Variants in DOCK7 observed in about 807,000 individuals in gnomAD.
The protein encoded by DOCK7 is dedicator of cytokinesis protein 7.
A neutral mutation model predicts 271.0 loss-of-function variants in DOCK7; 138 were observed. That is an observed-to-expected ratio of 0.51 (90% confidence interval 0.44 to 0.59). The LOEUF is 0.59. Ranked by LOEUF, DOCK7 falls within the 20% of genes least tolerant of loss-of-function variation. The probability of loss-of-function intolerance (pLI) is 0.00; values close to 1 mark genes in which losing one functional copy is unlikely to be tolerated. For synonymous variants in DOCK7, 823 were observed against 876.1 expected, an observed-to-expected ratio of 0.94 and a Z score of 1.07; for missense variants, 2,066 against 2,592.4, an observed-to-expected ratio of 0.80 and a Z score of 4.41.
At chr1:62,570,023 A>G (rs987917559) in intron 18 of DOCK7, among the ~76,000 whole-genome samples, 8 of 152,130 alleles carry the variant, frequency 5.3e-5, no homozygotes, top group African/African-American at 1.7e-4. Context: ...CACCACTCCT[A>G]TTCAACATAG....
chr1:62,588,549 GTTC>G (rs1647911288), intron 14 of DOCK7, among the ~76,000 whole-genome samples: 1 of 152,108 alleles, frequency 6.6e-6, no homozygotes, highest in Admixed American at 6.5e-5. Flanking sequence ...CATTTGAGAT[GTTC>G]TTCTGTGGTT....
At chr1:62,475,658 C>G (rs1309906865) in intron 46 of DOCK7, 49 bp downstream of exon 46, 21 of 1,519,390 alleles carry the variant, frequency 1.4e-5, no homozygotes, top group Non-Finnish European at 1.8e-5. Flanking sequence ...TGTTACATGG[C>G]TTGAATGTAT....
At chr1:62,497,856 T>G (rs1646666593) in intron 37 of DOCK7, among the ~76,000 whole-genome samples, 2 of 152,154 alleles carry the variant, frequency 1.3e-5, no homozygotes, top group Admixed American at 1.3e-4. Context: ...TCACACTACA[T>G]AGTAGGCACT....
At position 62,640,125 on chromosome 1, in the gene DOCK7, T is replaced by C. The variant is rs1655809127; in HGVS notation, c.819-3522A>G. Reference sequence around the variant, plus strand: ...ACTTATTTAAAATGTTGAGAATACTTACAACGATGAAAGAAAAAAACATTT... The same window carrying C: ...ACTTATTTAAAATGTTGAGAATACTCACAACGATGAAAGAAAAAAACATTT... On this transcript the variant is annotated intron_variant, in intron 7 of 49. Coordinates refer to ENST00000635253, the MANE Select transcript of DOCK7 (RefSeq NM_001367561.1). Among the ~76,000 whole-genome samples, 3 of 152,132 alleles carry C rather than the reference T, an allele frequency of 2.0e-5. No individual in the cohort carries two copies. The South Asian group carries it at 6.2e-4, about 31-fold the overall frequency.
intron 43 of DOCK7, chr1:62,478,182 T>C (rs969774194): frequency 1.7e-5 from 3 of 176,724 alleles, no homozygotes; most frequent in Admixed American, 5.7e-5. Context: ...ATATAAACTG[T>C]CTTAATTGTA....
chr1:62,535,879 A>T (rs1316445562), intron 28 of DOCK7, among the ~76,000 whole-genome samples: 2 of 152,184 alleles, frequency 1.3e-5, no homozygotes, highest in Non-Finnish European at 2.9e-5. Flanking sequence ...CTTTTTTCAC[A>T]TATACTTTCC....
chr1:62,647,117 T>C (rs1322616017), intron 7 of DOCK7, among the ~76,000 whole-genome samples: 1 of 152,208 alleles, frequency 6.6e-6, no homozygotes, highest in Admixed American at 6.5e-5. Flanking sequence ...GAAAGCTCTA[T>C]GAATTGAAAC....
rs1266567664 is a variant in DOCK7 at position 62,597,495 on chromosome 1, A to T, written c.1683-10871T>A. 2.0e-5 allele frequency: 31 copies of T among 1,530,082 alleles called. 1 individual carries two copies. Among genetic ancestry groups the T allele is most frequent in the Non-Finnish European group, 2.7e-5 (30 of 1,117,842 alleles). The allele number at this position is 1,530,082 out of a possible 1,614,324, so 94.8% of individuals were successfully genotyped here. ...TCTGGGCAAATATTGGTATATATAG[A>T]GTTAAGAAGTCTAGGTCTGCTTCCA... On this transcript the variant is annotated intron_variant, in intron 14 of 49. Coordinates refer to ENST00000635253, the MANE Select transcript of DOCK7 (RefSeq NM_001367561.1).
chr1:62,597,915 T>C (rs771793802), intron 14 of DOCK7: 1 of 1,554,162 alleles, frequency 6.4e-7, no homozygotes, highest in South Asian at 1.3e-5. Context: ...AAAGAATATG[T>C]CACTTGAACT....
chr1:62,603,395 TA>T (rs1486725493), intron 14 of DOCK7, among the ~76,000 whole-genome samples: 1 of 151,776 alleles, frequency 6.6e-6, no homozygotes, highest in Non-Finnish European at 1.5e-5. Flanking sequence ...TTAATTCCAA[TA>T]AAAATAATTT....
At chr1:62,596,287 C>G (rs773938091) in intron 14 of DOCK7, among the ~76,000 whole-genome samples, 1 of 152,122 alleles carries the variant, frequency 6.6e-6, no homozygotes, top group East Asian at 1.9e-4. Flanking sequence ...CAAGGCCAGA[C>G]AGCTAGAGCC....
intron 18 of DOCK7, among the ~76,000 whole-genome samples, chr1:62,567,741 A>G (rs985654187): frequency 1.3e-5 from 2 of 152,082 alleles, no homozygotes; most frequent in African/African-American, 4.8e-5. Flanking sequence ...TGAGGCAAAA[A>G]ATAAAGATTC....
chr1:62,492,176 G>T (rs2149293571), intron 41 of DOCK7: 1 of 152,522 alleles, frequency 6.6e-6, no homozygotes, highest in South Asian at 2.1e-4. Context: ...CCAAACCACT[G>T]GAACACTGGG....
intron 43 of DOCK7, chr1:62,484,430 T>A (rs1202370940): frequency 6.6e-6 from 1 of 152,168 alleles, no homozygotes; most frequent in Non-Finnish European, 1.5e-5. Flanking sequence ...AAATTTAAAC[T>A]TGTATTAGTG....
intron 41 of DOCK7, among the ~76,000 whole-genome samples, chr1:62,492,100 T>C (rs1290653433): frequency 6.6e-6 from 1 of 151,810 alleles, no homozygotes; most frequent in Non-Finnish European, 1.5e-5. Context: ...GCCCCTGTAT[T>C]CCCAGCTACC....
At chr1:62,653,602 T>C in intron 4 of DOCK7, 123 bp downstream of exon 4, 1 of 655,872 alleles carries the variant, frequency 1.5e-6, no homozygotes, top group South Asian at 1.8e-5. Context: ...AAGTTCTTCT[T>C]TTGTTTCTTC....
In DOCK7 at chr1:62,555,867, C is replaced by T; in HGVS notation, c.2554G>A (p.Val852Ile). 6.2e-7 allele frequency: 1 copy of T among 1,613,542 alleles called. No homozygotes were observed. Reference sequence around the variant, plus strand: ...GGGTAAGTATTTGGTAGGCGGAAAACATAATGAATATATGATGCAAGAAGG... The same window carrying T: ...GGGTAAGTATTTGGTAGGCGGAAAATATAATGAATATATGATGCAAGAAGG... ...NSLLASYIHYVFRLPNTYPNS... is the reference protein window; with the variant it reads ...NSLLASYIHYIFRLPNTYPNS... The change falls in exon 21 of 50, where the codon GTT becomes ATT. Residue 852 changes from valine to isoleucine, a missense_variant. This residue lies in a region of DOCK7 where 1,414 missense variants were observed against 1,670.4 expected (regional missense o/e 0.85). Transcript: ENST00000635253.
Position 62,457,414 on chromosome 1 carries a change from CCAAA to C in DOCK7, c.6380+120_6380+123del, listed in dbSNP as rs371786653. 1.1e-4 allele frequency: 111 copies of C among 974,160 alleles called. 1 individual carries two copies. The African/African-American group carries it at 1.3e-3, about 11-fold the overall frequency. 60.3% of individuals were successfully genotyped at this position (974,160 alleles called of 1,614,324 possible). A position where few individuals can be genotyped will look rare whatever the true frequency, so the allele number is the denominator to read the frequency against. On this transcript the variant is annotated intron_variant, in intron 49 of 49. Transcript: ENST00000635253. The stretch of plus-strand genomic sequence containing the variant: ...CACGAATATTCCAAAATCTGAAACC[CCAAA>C]CACTTCTGGTCCTAAGCTTTTCGGA...
intron 36 of DOCK7, 78 bp downstream of exon 36, chr1:62,505,604 T>G: frequency 6.9e-7 from 1 of 1,446,744 alleles, no homozygotes; most frequent in Admixed American, 2.3e-5. Context: ...TATTAACCAA[T>G]GAATGTGTCA....
Sources: gnomAD v4.1 joint callset for allele counts (sites outside exome capture counted in the v4.1 genomes callset) on GRCh38, gnomAD v4.1.1 for gene constraint, gnomAD v4.1.1 regional missense constraint, MANE v1.5 for transcripts, NCBI Gene and HGNC (gene_info 2026-07-23, HGNC 2026-07-21) for gene names.